Variants in ZKSCAN1 observed in about 807,000 individuals in gnomAD.
The protein encoded by ZKSCAN1 is zinc finger with KRAB and SCAN domains 1, also known as zinc finger protein with KRAB and SCAN domains 1.
In ZKSCAN1, 14 loss-of-function variants were observed where a neutral mutation model predicts 51.6. That is an observed-to-expected ratio of 0.27 (90% CI 0.18 to 0.42). The LOEUF is 0.42. Ranked by LOEUF, ZKSCAN1 falls within the 10% of genes least tolerant of loss-of-function variation. ZKSCAN1 has a pLI of 1.00. For synonymous variants in ZKSCAN1, 263 were observed against 261.5 expected (o/e 1.01, Z -0.06); for missense variants, 531 against 710.0 (o/e 0.75, Z 2.86).
Position 100,023,410 on chromosome 7 carries a change from A to G in ZKSCAN1, c.-88-9A>G, listed in dbSNP as rs1289586567. ...GGTACGTACTAATGACTTTTTTTTT[A>G]TACTTCAGGAATAGTAAAGAAACAC... On this transcript the variant is annotated splice_polypyrimidine_tract_variant and intron_variant, in intron 1 of 5. Transcript: ENST00000324306. The G allele has an allele frequency of 1.4e-5, 19 of 1,378,692 alleles. No homozygotes were observed. Among genetic ancestry groups the G allele is most frequent in the African/African-American group, 2.9e-5 (2 of 68,800 alleles). 85.4% of individuals were successfully genotyped at this position (1,378,692 alleles called of 1,614,324 possible). A position where few individuals can be genotyped will look rare whatever the true frequency, so the allele number is the denominator to read the frequency against.
In ZKSCAN1 at chr7:100,036,504, G is replaced by A; in HGVS notation, c.*2307G>A. The A allele has an allele frequency of 2.1e-6, 2 of 954,214 alleles. No individual in the cohort carries two copies. The highest frequency in any genetic ancestry group is 1.2e-6 in the Non-Finnish European group (1 of 801,646). The allele number at this position is 954,214 out of a possible 1,614,324, so 59.1% of individuals were successfully genotyped here. A position where few individuals can be genotyped will look rare whatever the true frequency, so the allele number is the denominator to read the frequency against. On this transcript the variant is annotated 3_prime_UTR_variant, in exon 6 of 6. Transcript: ENST00000324306. ...GGCCGAGGTGAGCGGATCACCTGAG[G>A]TCAGGAGTTTTGAGACCAGCCTGGC...
chr7:100,021,113 T>G (rs1483677030), intron 1 of ZKSCAN1, among the ~76,000 whole-genome samples: 1 of 139,714 alleles, frequency 7.2e-6, no homozygotes, highest in African/African-American at 2.6e-5. Context: ...TCTTTTTTTT[T>G]TCCTTTTTTT....
intron 5 of ZKSCAN1, among the ~76,000 whole-genome samples, chr7:100,031,485 C>T (rs1269178123): frequency 6.6e-6 from 1 of 152,008 alleles, no homozygotes; most frequent in Non-Finnish European, 1.5e-5. Flanking sequence ...GCCATGTTGC[C>T]TAGGCTGGTC....
At position 100,023,706 on chromosome 7, in the gene ZKSCAN1, CTT is replaced by C. The variant is rs1474054765; in HGVS notation, c.203_204del (p.Phe68TrpfsTer55). On this transcript the variant is annotated frameshift_variant, in exon 2 of 6. Coordinates refer to ENST00000324306, the MANE Select transcript of ZKSCAN1 (RefSeq NM_003439.4). LOFTEE classifies it high-confidence loss of function. ...TTCAGGCGCTTCTGTTACCAGAACA[CTT>C]TTGGGCCCCGAGAGGCTCTCAGTCG... is the stretch of plus-strand genomic sequence containing the variant. 3 of 1,614,108 alleles carry C rather than the reference CTT, an allele frequency of 1.9e-6. No homozygotes were observed. The highest frequency in any genetic ancestry group is 2.5e-6 in the Non-Finnish European group (3 of 1,180,052).
At position 100,024,144 on chromosome 7, in the gene ZKSCAN1, C is replaced by A. The variant is rs1220120910; in HGVS notation, c.427-10C>A. 1.9e-6 allele frequency: 3 copies of A among 1,603,696 alleles called. No individual in the cohort carries two copies. The South Asian group carries it at 3.3e-5, about 18-fold the overall frequency. On this transcript the variant is annotated splice_polypyrimidine_tract_variant and intron_variant, in intron 2 of 5. Transcript: ENST00000324306. ...TGATTTACCCACAAGCCCAACCTGT[C>A]TGTCTTCAGGTCCCAGGTCAAGTTC...
At chr7:100,016,140 C>T (rs1790352396) in intron 1 of ZKSCAN1, among the ~76,000 whole-genome samples, 1 of 152,184 alleles carries the variant, frequency 6.6e-6, no homozygotes, top group African/African-American at 2.4e-5. Flanking sequence ...TTTTTCCCCC[C>T]CCGGTTCCTT....
chr7:100,023,782 G>A lies in ZKSCAN1; in HGVS notation c.276G>A (p.Lys92=), dbSNP rs750296831. ...HQWLRPEINT[K]EQILELLVLE... is the part of the protein sequence containing the mutation. The stretch of plus-strand genomic sequence containing the variant: ...GGCTGCGGCCAGAAATAAACACCAA[G>A]GAACAGATCCTGGAGCTTCTGGTGC... The change falls in exon 2 of 6, where the codon AAG becomes AAA. Residue 92 remains lysine, a synonymous_variant. Transcript: ENST00000324306. The A allele has an allele frequency of 5.6e-6, 9 of 1,614,172 alleles. No individual in the cohort carries two copies. In the South Asian group the frequency reaches 9.9e-5, roughly 18 times the overall value.
At chr7:100,016,973 T>A (rs1790393410) in intron 1 of ZKSCAN1, 1 of 152,214 alleles carries the variant, frequency 6.6e-6, no homozygotes. Flanking sequence ...TCTTGTTTAT[T>A]ATTTCAGGCA....
chr7:100,040,005 A>G lies in ZKSCAN1; in HGVS notation c.*5808A>G. 1 of 883,802 alleles carries G rather than the reference A, an allele frequency of 1.1e-6. No individual in the cohort carries two copies. Among genetic ancestry groups the G allele is most frequent in the Non-Finnish European group, 1.4e-6 (1 of 737,902 alleles). 54.7% of individuals were successfully genotyped at this position (883,802 alleles called of 1,614,324 possible). A position where few individuals can be genotyped will look rare whatever the true frequency, so the allele number is the denominator to read the frequency against. On this transcript the variant is annotated 3_prime_UTR_variant, in exon 6 of 6. Transcript: ENST00000324306. ...TTTAGGGTTTTTTTTTTTAGAGTGG[A>G]CACACTACATTTAAAAGCAATTATT...
At chr7:100,018,357 G>C (rs1256335603) in intron 1 of ZKSCAN1, among the ~76,000 whole-genome samples, 1 of 152,050 alleles carries the variant, frequency 6.6e-6, no homozygotes, top group Non-Finnish European at 1.5e-5. Flanking sequence ...TAATAATCTA[G>C]TTGAGGAAGA....
intron 1 of ZKSCAN1, among the ~76,000 whole-genome samples, chr7:100,021,407 C>A (rs1790582992): frequency 6.6e-6 from 1 of 152,104 alleles, no homozygotes; most frequent in African/African-American, 2.4e-5. Context: ...GTATTACAGG[C>A]ATGAGCCACC....
rs200103525 is a variant in ZKSCAN1 at position 100,033,992 on chromosome 7, A to G, written c.1487A>G (p.Lys496Arg). ...CCCTATGAATGTAGTGAATGTGGAA[A>G]AGCTTTCAACCGAAACTCATACCTG... is the stretch of plus-strand genomic sequence containing the variant. ...EKPYECSECGKAFNRNSYLIL... is the reference protein window; with the variant it reads ...EKPYECSECGRAFNRNSYLIL... The change falls in exon 6 of 6, where the codon AAA becomes AGA. Residue 496 changes from lysine to arginine, a missense_variant. By Grantham distance (26) the Lys-to-Arg change is conservative. Coordinates refer to ENST00000324306, the MANE Select transcript of ZKSCAN1 (RefSeq NM_003439.4). The surrounding 1 kb of genome is among the most constrained non-coding windows in gnomAD (Gnocchi z 4.1). 4.6e-4 allele frequency: 736 copies of G among 1,614,088 alleles called. No homozygotes were observed. The highest frequency in any genetic ancestry group is 6.0e-4 in the Non-Finnish European group (710 of 1,180,032).
Position 100,033,653 on chromosome 7 carries a change from G to C in ZKSCAN1, c.1148G>C (p.Gly383Ala), listed in dbSNP as rs1480566963. The C allele has an allele frequency of 1.2e-6, 2 of 1,614,220 alleles. No homozygotes were observed. Among genetic ancestry groups the C allele is most frequent in the Admixed American group, 3.3e-5 (2 of 60,024 alleles). The change falls in exon 6 of 6, where the codon GGT becomes GCT. Residue 383 changes from glycine to alanine, a missense_variant. Physicochemically the swap from Gly to Ala is moderately conservative, Grantham distance 60 (BLOSUM62 0). This residue lies in a region of ZKSCAN1 where 403 missense variants were observed against 490.5 expected (regional missense o/e 0.82). Coordinates refer to ENST00000324306, the MANE Select transcript of ZKSCAN1 (RefSeq NM_003439.4). This position sits in a 1 kb window ranked among gnomAD's most constrained non-coding sequence, Gnocchi z 4.1. ...AAGTCTCACAGATGTGATGAATGTGGTAAATGCTTCACGAGAAGTTCAAGC... is the reference window on the plus strand; with the variant it reads ...AAGTCTCACAGATGTGATGAATGTGCTAAATGCTTCACGAGAAGTTCAAGC... ...GTKSHRCDEC[G>A]KCFTRSSSLI...
rs1791499071 is a variant in ZKSCAN1 at position 100,039,332 on chromosome 7, G to T, written c.*5135G>T. ...CAAAAAAAGAAAAAAAAAAAAGAAA[G>T]AAAGAAAGAAAATTGGGGATAGGAG... On this transcript the variant is annotated 3_prime_UTR_variant, in exon 6 of 6. Coordinates refer to ENST00000324306, the MANE Select transcript of ZKSCAN1 (RefSeq NM_003439.4). 2.0e-6 allele frequency: 2 copies of T among 984,464 alleles called. No individual in the cohort carries two copies. Among genetic ancestry groups the T allele is most frequent in the Non-Finnish European group, 2.4e-6 (2 of 829,804 alleles). The allele number at this position is 984,464 out of a possible 1,614,324, so 61.0% of individuals were successfully genotyped here.
In ZKSCAN1 at chr7:100,037,495, A is replaced by G; in HGVS notation, c.*3298A>G. 3 of 985,490 alleles carry G rather than the reference A, an allele frequency of 3.0e-6. No individual in the cohort carries two copies. Among genetic ancestry groups the G allele is most frequent in the Non-Finnish European group, 3.6e-6 (3 of 829,946 alleles). 61.0% of individuals were successfully genotyped at this position (985,490 alleles called of 1,614,324 possible). On this transcript the variant is annotated 3_prime_UTR_variant, in exon 6 of 6. Transcript: ENST00000324306. ...ACGTGTGATACGTGGGACAGTTCAC[A>G]TAGACATCAGAGAATTTATTCCAGA... is the stretch of plus-strand genomic sequence containing the variant.
Position 100,033,363 on chromosome 7 carries a change from T to C in ZKSCAN1, c.858T>C (p.Asp286=). 1 of 1,613,892 alleles carries C rather than the reference T, an allele frequency of 6.2e-7. No individual in the cohort carries two copies. The highest frequency in any genetic ancestry group is 8.5e-7 in the Non-Finnish European group (1 of 1,179,976). ...CCTCAAAGGCTGAAACCTCGGAAGATTCAGCATCACGCGGGGAGACAACAG... is the reference window on the plus strand; with the variant it reads ...CCTCAAAGGCTGAAACCTCGGAAGACTCAGCATCACGCGGGGAGACAACAG... The part of the protein sequence containing the change: ...ESTSKAETSE[D]SASRGETTGR... The change falls in exon 6 of 6, where the codon GAT becomes GAC. Residue 286 remains aspartate (D), a synonymous_variant. Transcript: ENST00000324306. The surrounding 1 kb of genome is among the most constrained non-coding windows in gnomAD (Gnocchi z 4.1).
chr7:100,019,724 T>C (rs186714281), intron 1 of ZKSCAN1, among the ~76,000 whole-genome samples: 2 of 151,446 alleles, frequency 1.3e-5, no homozygotes, highest in East Asian at 2.0e-4. Context: ...TTTTTTGAGA[T>C]GGAGTCTCAC....
chr7:100,027,625 G>A (rs575219755), intron 3 of ZKSCAN1, among the ~76,000 whole-genome samples: 1 of 151,386 alleles, frequency 6.6e-6, no homozygotes, highest in Non-Finnish European at 1.5e-5. Context: ...GCGGGTGCCT[G>A]TAGTCCCAGC....
chr7:100,029,975 T>G (rs1399608879), intron 4 of ZKSCAN1, 23 bp downstream of exon 4: 1 of 1,610,704 alleles, frequency 6.2e-7, no homozygotes, highest in Non-Finnish European at 8.5e-7. Context: ...CCCTCTGCTC[T>G]CCTGAGTCCT....
Sources: allele counts gnomAD v4.1 joint callset (sites outside exome capture counted in the v4.1 genomes callset), GRCh38; gene constraint gnomAD v4.1.1; regional missense constraint gnomAD v4.1.1; non-coding constraint Gnocchi (gnomAD v3.1); transcripts MANE v1.5; gene names NCBI Gene and HGNC (gene_info 2026-07-23, HGNC 2026-07-21).